Variants in APTX observed in about 807,000 individuals in gnomAD.
APTX encodes aprataxin.
APTX carries 33 observed loss-of-function variants against 42.3 expected under a neutral mutation model. The ratio of observed to expected loss-of-function variants is 0.78; its 90% CI spans 0.59 to 1.04. APTX has a LOEUF of 1.04. Among genes scored for constraint, APTX ranks in the 50% least tolerant of loss-of-function variants. The pLI, the probability that APTX is intolerant of heterozygous loss-of-function variation, is 0.00. For missense variants in APTX, 421 were observed against 415.1 expected, an observed-to-expected ratio of 1.01 and a Z score of -0.12; for synonymous variants, 130 against 146.7, an observed-to-expected ratio of 0.89 and a Z score of 0.82.
intron 1 of APTX, among the ~76,000 whole-genome samples, chr9:33,020,458 C>G (rs970704223): frequency 1.3e-5 from 2 of 152,206 alleles, no homozygotes; most frequent in African/African-American, 4.8e-5. Context: ...CTGATCTCAT[C>G]GCTCACCATA....
chr9:33,023,435 G>C (rs1238625702), intron 1 of APTX, among the ~76,000 whole-genome samples: 1 of 151,156 alleles, frequency 6.6e-6, no homozygotes, highest in Non-Finnish European at 1.5e-5. Flanking sequence ...AGTTGGCCAG[G>C]CTGGTCTAGA....
chr9:33,007,967 T>G (rs977609852), intron 1 of APTX, among the ~76,000 whole-genome samples: 9 of 152,136 alleles, frequency 5.9e-5, no homozygotes, highest in Non-Finnish European at 4.4e-5. Flanking sequence ...TGGTAATTCT[T>G]GAGATCATCT....
rs1587612608 is a variant in APTX at position 33,001,599 on chromosome 9, A to G, written c.-37T>C. ...AGTCGGAGACGGACAAATTCACGTT[A>G]CTCATCTGTGCCTCACCGCTTCCGG... On this transcript the variant is annotated 5_prime_UTR_variant, in exon 1 of 8. Transcript: ENST00000379817. 1 of 1,613,886 alleles carries G rather than the reference A, an allele frequency of 6.2e-7. No individual in the cohort carries two copies. The highest frequency in any genetic ancestry group is 8.5e-7 in the Non-Finnish European group (1 of 1,180,000).
chr9:32,997,422 G>A (rs1835202877), intron 1 of APTX: 1 of 152,214 alleles, frequency 6.6e-6, no homozygotes, highest in African/African-American at 2.4e-5. Flanking sequence ...TCTGTGCAAA[G>A]GGTGGAAGCA....
chr9:33,024,831 G>A (rs2119357611), intron 1 of APTX: 1 of 132,098 alleles, frequency 7.6e-6, no homozygotes, highest in East Asian at 2.6e-4. Flanking sequence ...TGCTCGCCAC[G>A]TTCCCAAAAA....
chr9:33,018,376 T>C (rs1205126280), intron 1 of APTX, among the ~76,000 whole-genome samples: 1 of 151,828 alleles, frequency 6.6e-6, no homozygotes, highest in East Asian at 2.0e-4. Flanking sequence ...GAGACCAGCC[T>C]GGCCAACATG....
At chr9:32,982,553 C>T (rs1447819581) in intron 6 of APTX, among the ~76,000 whole-genome samples, 1 of 152,078 alleles carries the variant, frequency 6.6e-6, no homozygotes, top group Non-Finnish European at 1.5e-5. Flanking sequence ...ACTTGTTTAT[C>T]ACCTTTTCCT....
chr9:32,989,435 C>T (rs2118856291), intron 2 of APTX, among the ~76,000 whole-genome samples: 1 of 152,298 alleles, frequency 6.6e-6, no homozygotes, highest in East Asian at 1.9e-4. Flanking sequence ...ATGGTTTCAC[C>T]TGTAGACTCC....
chr9:33,018,291 T>A (rs1309868560), intron 1 of APTX, among the ~76,000 whole-genome samples: 1 of 151,732 alleles, frequency 6.6e-6, no homozygotes, highest in Non-Finnish European at 1.5e-5. Flanking sequence ...TTTGTATTTT[T>A]AGTAGAGATG....
intron 1 of APTX, among the ~76,000 whole-genome samples, chr9:33,009,350 C>A (rs1442979356): frequency 6.6e-6 from 1 of 152,126 alleles, no homozygotes; most frequent in Non-Finnish European, 1.5e-5. Flanking sequence ...CAGCCTTGTA[C>A]CAGCAATATT....
At position 32,989,521 on chromosome 9, in the gene APTX, G is replaced by A. The variant is rs538849649; in HGVS notation, c.133+238C>T. The A allele has an allele frequency of 1.3e-3, 874 of 648,240 alleles. 4 individuals carry two copies. The highest frequency in any genetic ancestry group is 4.4e-3 in the South Asian group (293 of 66,278). 40.2% of individuals were successfully genotyped at this position (648,240 alleles called of 1,614,324 possible). A position where few individuals can be genotyped will look rare whatever the true frequency, so the allele number is the denominator to read the frequency against. The stretch of plus-strand genomic sequence containing the variant: ...CAGGACTCAATTCCACCATCCCATG[G>A]TAACAGTATGAACTTGACTGCTCCC... On this transcript the variant is annotated intron_variant, in intron 2 of 7. Coordinates refer to ENST00000379817, the MANE Select transcript of APTX (RefSeq NM_001195248.2).
At chr9:33,011,047 G>A (rs1017954535) in intron 1 of APTX, among the ~76,000 whole-genome samples, 1 of 151,780 alleles carries the variant, frequency 6.6e-6, no homozygotes, top group Non-Finnish European at 1.5e-5. Flanking sequence ...GGAAGCTGAG[G>A]CATGAAAATT....
At position 32,984,814 on chromosome 9, in the gene APTX, G is replaced by C. The variant is rs1406099550; in HGVS notation, c.587C>G (p.Pro196Arg). The C allele has an allele frequency of 1.2e-6, 2 of 1,614,062 alleles. No homozygotes were observed. The highest frequency in any genetic ancestry group is 3.3e-5 in the Admixed American group (2 of 60,000). Reference protein sequence around the residue: ...EQVVVIKDKYPKARYHWLVLP... With the variant: ...EQVVVIKDKYRKARYHWLVLP... ...GACCAGCCAATGGTAACGGGCCTTT[G>C]GGTATTTATCCTTTATCACCACCAC... Residue 196 changes from proline to arginine, a missense_variant, in exon 6 of 8, where the codon CCA (proline) becomes CGA (arginine). Physicochemically the swap from Pro to Arg is moderately radical, Grantham distance 103. Transcript: ENST00000379817.
In APTX at chr9:32,987,679, C is replaced by T. The variant is rs376766936; in HGVS notation, c.348G>A (p.Lys116=). The stretch of plus-strand genomic sequence containing the variant: ...CTATAGAATCACTGTTGCCTGATCT[C>T]TTTCTCTTCCTGTGTGTTTCCAGGC... ...NPGLETHRKR[K]RSGNSDSIER... Residue 116 remains lysine, a synonymous_variant, in exon 4 of 8, where the codon AAG becomes AAA. Transcript: ENST00000379817. The T allele has an allele frequency of 8.1e-6, 13 of 1,614,072 alleles. No homozygotes were observed. Among genetic ancestry groups the T allele is most frequent in the African/African-American group, 8.0e-5 (6 of 74,914 alleles).
Position 32,986,013 on chromosome 9 carries a change from C to G in APTX, c.501G>C (p.Trp167Cys). The change falls in exon 5 of 8, where the codon TGG becomes TGC. Residue 167 changes from tryptophan (W) to cysteine (C), a missense_variant. Physicochemically the swap from Trp to Cys is radical, Grantham distance 215. Coordinates refer to ENST00000379817, the MANE Select transcript of APTX (RefSeq NM_001195248.2). The stretch of plus-strand genomic sequence containing the variant: ...GCATAGAAATCTTCAAGCCTTGACT[C>G]CAGTGGCCCAGGGATTCCTAAAAAA... ...APIKKESLGH[W>C]SQGLKISMQD... 6.3e-7 allele frequency: 1 copy of G among 1,579,974 alleles called. No individual in the cohort carries two copies. The highest frequency in any genetic ancestry group is 8.6e-7 in the Non-Finnish European group (1 of 1,162,256).
At chr9:32,999,306 T>C (rs1041932655) in intron 1 of APTX, among the ~76,000 whole-genome samples, 3 of 152,050 alleles carry the variant, frequency 2.0e-5, no homozygotes, top group Admixed American at 1.3e-4. Context: ...GGTGAGGAAA[T>C]GGAGGCAGAG....
upstream of APTX, among the ~76,000 whole-genome samples, chr9:33,005,175 A>C (rs926035554): frequency 2.6e-5 from 4 of 152,064 alleles, no homozygotes; most frequent in Non-Finnish European, 5.9e-5. Context: ...CCTCTGATCA[A>C]ATATAAGATT....
At chr9:32,982,939 T>TC (rs1195040698) in intron 6 of APTX, among the ~76,000 whole-genome samples, 3 of 151,284 alleles carry the variant, frequency 2.0e-5, no homozygotes, top group Non-Finnish European at 2.9e-5. Context: ...AAATATTTAT[T>TC]CTTTTTTTTT....
At chr9:32,989,509 C>T in intron 2 of APTX, 1 of 625,104 alleles carries the variant, frequency 1.6e-6, no homozygotes, top group Non-Finnish European at 3.0e-6. Flanking sequence ...GACTCAATTC[C>T]ACCATCCCAT....
Sources: allele counts gnomAD v4.1 joint callset (sites outside exome capture counted in the v4.1 genomes callset), GRCh38; gene constraint gnomAD v4.1.1; transcripts MANE v1.5; gene names NCBI Gene and HGNC (gene_info 2026-07-23, HGNC 2026-07-21).